Variants in KCNQ5 observed in about 807,000 individuals in gnomAD.
KCNQ5 encodes the protein potassium voltage-gated channel subfamily KQT member 5.
A neutral mutation model predicts 98.2 loss-of-function variants in KCNQ5; 30 were observed. The ratio of observed to expected loss-of-function variants is 0.31; its 90% CI spans 0.23 to 0.41. KCNQ5 has a LOEUF of 0.41. Ranked by LOEUF, KCNQ5 falls within the 10% of genes least tolerant of loss-of-function variation. The pLI, the probability that KCNQ5 is intolerant of heterozygous loss-of-function variation, is 1.00. For synonymous variants in KCNQ5, 458 were observed against 449.4 expected (o/e 1.02, Z -0.24); for missense variants, 835 against 1,182.5 (o/e 0.71, Z 4.31).
At chr6:73,181,836 C>G (rs1778413486) in intron 11 of KCNQ5, among the ~76,000 whole-genome samples, 1 of 152,206 alleles carries the variant, frequency 6.6e-6, no homozygotes, top group East Asian at 1.9e-4. Context: ...TACTTAACCT[C>G]TCTGTGCCTC....
chr6:73,014,607 G>T (rs1188656556), intron 2 of KCNQ5, among the ~76,000 whole-genome samples: 1 of 152,050 alleles, frequency 6.6e-6, no homozygotes, highest in Non-Finnish European at 1.5e-5. Context: ...TGGGTTTATT[G>T]TTTCCCTGCA....
At chr6:73,064,969 A>G (rs1257539875) in intron 3 of KCNQ5, among the ~76,000 whole-genome samples, 2 of 151,644 alleles carry the variant, frequency 1.3e-5, no homozygotes, top group African/African-American at 2.4e-5. Context: ...CCACATCTGA[A>G]ATTAAATGTT....
rs548073733 is a variant in KCNQ5, at chr6:72,848,726, A to G, written c.399-155182A>G. 3.9e-5 allele frequency among the ~76,000 whole-genome samples: 6 copies of G among 152,270 alleles called. No individual in the cohort carries two copies. The East Asian group carries it at 1.2e-3, about 29-fold the overall frequency. ...AAGCCATGTTGTGGGAGGTTATTGA[A>G]TCGTGGGGGCGATTACCCCCATGCT... On this transcript the variant is annotated intron_variant, in intron 1 of 13. Transcript: ENST00000370398.
chr6:72,896,237 T>C (rs1779247717), intron 1 of KCNQ5, among the ~76,000 whole-genome samples: 1 of 152,154 alleles, frequency 6.6e-6, no homozygotes, highest in South Asian at 2.1e-4. Context: ...ACCAAGTCTT[T>C]AATTGAGTAG....
In KCNQ5 at chr6:73,019,222, G is replaced by A. The variant is rs1770479798; in HGVS notation, c.489+15224G>A. Among the ~76,000 whole-genome samples, 3 of 152,008 alleles carry A rather than the reference G, an allele frequency of 2.0e-5. No individual in the cohort carries two copies. The South Asian group carries it at 6.2e-4, about 32-fold the overall frequency. Reference sequence around the variant, plus strand: ...TAGAATTTGACATGCCTTTTTAATTGTACTTCTATCTTATTAGAATTGTTT... The same window carrying A: ...TAGAATTTGACATGCCTTTTTAATTATACTTCTATCTTATTAGAATTGTTT... On this transcript the variant is annotated intron_variant, in intron 2 of 13. Coordinates refer to ENST00000370398, the MANE Select transcript of KCNQ5 (RefSeq NM_019842.4).
At chr6:73,090,078 T>G (rs185977317) in intron 5 of KCNQ5, among the ~76,000 whole-genome samples, 2 of 149,820 alleles carry the variant, frequency 1.3e-5, no homozygotes, top group Admixed American at 1.4e-4. Context: ...CATCTACTAT[T>G]TTTCCACTTT....
chr6:72,721,407 CT>C (rs940186948), intron 1 of KCNQ5, among the ~76,000 whole-genome samples: 1,766 of 148,998 alleles, frequency 0.012, 28 homozygotes, highest in African/African-American at 0.04. Flanking sequence ...TTGATTTGCA[CT>C]TTTTTTTTTA....
chr6:72,809,327 G>A (rs1331108142), intron 1 of KCNQ5, among the ~76,000 whole-genome samples: 1 of 150,928 alleles, frequency 6.6e-6, no homozygotes, highest in African/African-American at 2.4e-5. Context: ...CACCAGCATG[G>A]CACATGTATA....
chr6:73,121,609 T>C (rs754706054), intron 8 of KCNQ5, among the ~76,000 whole-genome samples: 2 of 152,098 alleles, frequency 1.3e-5, no homozygotes, highest in Non-Finnish European at 2.9e-5. Context: ...TTAATCCTAG[T>C]GGCTTCATGG....
chr6:73,092,206 A>G (rs1046017050), intron 5 of KCNQ5, among the ~76,000 whole-genome samples: 11 of 151,932 alleles, frequency 7.2e-5, no homozygotes, highest in African/African-American at 2.7e-4. Flanking sequence ...TAGAAGAGAT[A>G]CTGATTTGTG....
Position 72,841,528 on chromosome 6 carries a change from A to G in KCNQ5, c.399-162380A>G, listed in dbSNP as rs558201276. Among the ~76,000 whole-genome samples, 24 of 152,332 alleles carry G rather than the reference A, an allele frequency of 1.6e-4. No homozygotes were observed. In the South Asian group the frequency reaches 4.8e-3, roughly 30 times the overall value. On this transcript the variant is annotated intron_variant, in intron 1 of 13. Coordinates refer to ENST00000370398, the MANE Select transcript of KCNQ5 (RefSeq NM_019842.4). The stretch of plus-strand genomic sequence containing the variant: ...AAAAATGCTTAGGATATTGAAAGAA[A>G]TACCTCTAAATTTCTACATTCTTTC...
chr6:73,173,505 C>G (rs1036554159), intron 11 of KCNQ5, among the ~76,000 whole-genome samples: 119 of 152,134 alleles, frequency 7.8e-4, no homozygotes, highest in African/African-American at 2.8e-3. Context: ...TAGATATGTT[C>G]CTTCAAAATG....
intron 1 of KCNQ5, among the ~76,000 whole-genome samples, chr6:72,697,798 T>C (rs1455681336): frequency 6.6e-6 from 1 of 152,232 alleles, no homozygotes; most frequent in Non-Finnish European, 1.5e-5. Context: ...GGTAAATGGA[T>C]ATGTTAATTA....
In KCNQ5 at chr6:72,862,624, T is replaced by A. The variant is rs370445864; in HGVS notation, c.399-141284T>A. On this transcript the variant is annotated intron_variant, in intron 1 of 13. Coordinates refer to ENST00000370398, the MANE Select transcript of KCNQ5 (RefSeq NM_019842.4). ...AAACCTAGCCAATGTCTTCCTACTT[T>A]TTTATTTATTTATTTATTTTTGAGA... Among the ~76,000 whole-genome samples, 286 of 152,204 alleles carry A rather than the reference T, an allele frequency of 1.9e-3. 1 individual carries two copies. Among genetic ancestry groups the A allele is most frequent in the African/African-American group, 6.5e-3 (269 of 41,528 alleles).
intron 3 of KCNQ5, among the ~76,000 whole-genome samples, chr6:73,054,321 G>A (rs894356944): frequency 6.6e-6 from 1 of 152,184 alleles, no homozygotes; most frequent in African/African-American, 2.4e-5. Flanking sequence ...CAGAGGAGGA[G>A]GGACTCCTCC....
At chr6:72,997,033 C>G (rs537253043) in intron 1 of KCNQ5, among the ~76,000 whole-genome samples, 2 of 152,274 alleles carry the variant, frequency 1.3e-5, no homozygotes, top group East Asian at 3.9e-4. Flanking sequence ...GGAGAGCGAA[C>G]TCAGGAGAAA....
intron 1 of KCNQ5, among the ~76,000 whole-genome samples, chr6:72,853,674 G>T (rs1052237050): frequency 6.6e-6 from 1 of 152,186 alleles, no homozygotes; most frequent in Non-Finnish European, 1.5e-5. Context: ...CAGCCATGTT[G>T]AGTGATTGTC....
chr6:72,983,524 G>A (rs973114339), intron 1 of KCNQ5, among the ~76,000 whole-genome samples: 11 of 152,088 alleles, frequency 7.2e-5, no homozygotes, highest in African/African-American at 2.4e-4. Context: ...AGCTCCATCA[G>A]GTCATTTAAG....
chr6:73,042,525 C>A (rs1283952289), intron 3 of KCNQ5, among the ~76,000 whole-genome samples: 1 of 152,124 alleles, frequency 6.6e-6, no homozygotes, highest in East Asian at 1.9e-4. Context: ...GAATAGATAG[C>A]CATACATTGG....
Sources: allele counts gnomAD v4.1 joint callset (sites outside exome capture counted in the v4.1 genomes callset), GRCh38; gene constraint gnomAD v4.1.1; transcripts MANE v1.5; gene names NCBI Gene and HGNC (gene_info 2026-07-23, HGNC 2026-07-21).